Variants in RIPOR3 observed in about 807,000 individuals in gnomAD.
RIPOR3 encodes the protein family with sequence similarity 65 member C.
Under a neutral mutation model 114.3 loss-of-function variants are expected in RIPOR3, and 95 were observed. That is an observed-to-expected ratio of 0.83 (90% CI 0.70 to 0.99). RIPOR3 has a LOEUF of 0.99. Ranked by LOEUF, RIPOR3 falls within the 50% of genes least tolerant of loss-of-function variation. RIPOR3 has a pLI of 0.00. For synonymous variants in RIPOR3, 575 were observed against 543.8 expected (o/e 1.06, Z -0.80); for missense variants, 1,252 against 1,266.9 (o/e 0.99, Z 0.18).
rs970675016 is a variant in RIPOR3, at chr20:50,669,122, A to T, written c.3+22004T>A. Among the ~76,000 whole-genome samples the T allele has an allele frequency of 4.6e-5, 7 of 152,026 alleles. No individual in the cohort carries two copies. In the South Asian group the frequency reaches 8.3e-4, roughly 18 times the overall value. On this transcript the variant is annotated intron_variant, in intron 1 of 21. Coordinates refer to ENST00000327979, the MANE Select transcript of RIPOR3 (RefSeq NM_001290268.2). ...CACACCCATACATGCATGCTCACAC[A>T]TGTGCACACATGGTGCACACTCACA...
intron 3 of RIPOR3, 41 bp from the exon 4 acceptor site, chr20:50,616,121 GAAGA>G (rs766342381): frequency 1.9e-6 from 3 of 1,584,234 alleles, no homozygotes; most frequent in Non-Finnish European, 2.6e-6. Context: ...GGAAGAGGAA[GAAGA>G]AAGGGAAAGG....
In RIPOR3 at chr20:50,602,604, C is replaced by T. The variant is rs1363917411; in HGVS notation, c.1127G>A (p.Gly376Asp). ...GAGGATGGAGGTGGCCCTTGGGCCA[C>T]CCAGCAGCAAGGCCTGCTGTGTTGG... ...QQPTQQALLLGGPRATSILSY... is the reference protein window; with the variant it reads ...QQPTQQALLLDGPRATSILSY... Residue 376 changes from glycine to aspartate, a missense_variant, in exon 13 of 22, where the codon GGT (glycine) becomes GAT (aspartate). By Grantham distance (94) the Gly-to-Asp change is moderately conservative. Coordinates refer to ENST00000327979, the MANE Select transcript of RIPOR3 (RefSeq NM_001290268.2). This position sits in a 1 kb window ranked among gnomAD's most constrained non-coding sequence, Gnocchi z 4.3. The T allele has an allele frequency of 2.0e-6, 3 of 1,508,862 alleles. No homozygotes were observed. Among genetic ancestry groups the T allele is most frequent in the Non-Finnish European group, 1.8e-6 (2 of 1,129,366 alleles). 93.5% of individuals were successfully genotyped at this position (1,508,862 alleles called of 1,614,324 possible).
intron 1 of RIPOR3, among the ~76,000 whole-genome samples, chr20:50,647,487 T>TC (rs1303831682): frequency 7.0e-6 from 1 of 142,184 alleles, no homozygotes; most frequent in Non-Finnish European, 1.5e-5. Flanking sequence ...TCTTTTTTTT[T>TC]TTTTTTTTTT....
At chr20:50,623,260 TAAAAAAA>T (rs57108911) in intron 2 of RIPOR3, among the ~76,000 whole-genome samples, 7 of 113,294 alleles carry the variant, frequency 6.2e-5, no homozygotes, top group Admixed American at 1.0e-4. Context: ...AACTCTGCCT[TAAAAAAA>T]AAAAAAAAAA....
intron 4 of RIPOR3, among the ~76,000 whole-genome samples, chr20:50,612,145 A>G (rs2084001612): frequency 2.0e-5 from 3 of 151,892 alleles, no homozygotes; most frequent in Non-Finnish European, 2.9e-5. Flanking sequence ...AAAAAAGAAA[A>G]AAAGTAGGAC....
At chr20:50,629,119 G>A (rs566424039) in intron 2 of RIPOR3, among the ~76,000 whole-genome samples, 9 of 152,274 alleles carry the variant, frequency 5.9e-5, no homozygotes, top group East Asian at 1.9e-4. Context: ...CCCTGAGGCC[G>A]GGAGGGGAGG....
chr20:50,616,804 G>A (rs2084188390), intron 3 of RIPOR3, among the ~76,000 whole-genome samples: 1 of 152,148 alleles, frequency 6.6e-6, no homozygotes, highest in Admixed American at 6.5e-5. Context: ...CTCCCAAGCT[G>A]GGGCCCAGCT....
At chr20:50,643,874 C>T (rs1008073171) in intron 1 of RIPOR3, among the ~76,000 whole-genome samples, 2 of 151,800 alleles carry the variant, frequency 1.3e-5, no homozygotes, top group African/African-American at 2.4e-5. Context: ...CCACTGTGCC[C>T]GGCTAATTTT....
chr20:50,639,158 C>T (rs1442561986), intron 1 of RIPOR3, among the ~76,000 whole-genome samples: 2 of 151,924 alleles, frequency 1.3e-5, no homozygotes, highest in African/African-American at 4.8e-5. Context: ...AGGAGAATTG[C>T]TTGAACCCAG....
chr20:50,598,530 G>A (rs2083382433), intron 13 of RIPOR3, among the ~76,000 whole-genome samples: 2 of 152,082 alleles, frequency 1.3e-5, no homozygotes, highest in Non-Finnish European at 2.9e-5. Flanking sequence ...TGAGGACGAA[G>A]GGAATAACAA....
intron 19 of RIPOR3, chr20:50,589,974 A>G (rs2083058066): frequency 5.8e-6 from 3 of 514,130 alleles, no homozygotes; most frequent in Admixed American, 3.1e-5. Context: ...ATCCCTAAAA[A>G]CAGATGCCAG....
intron 4 of RIPOR3, among the ~76,000 whole-genome samples, chr20:50,613,426 C>T (rs1444599065): frequency 6.6e-6 from 1 of 151,932 alleles, no homozygotes; most frequent in Non-Finnish European, 1.5e-5. Context: ...GGACTCCAGC[C>T]TGGGTGACAG....
chr20:50,597,432 G>T, intron 14 of RIPOR3, 148 bp downstream of exon 14: 1 of 1,166,682 alleles, frequency 8.6e-7, no homozygotes, highest in South Asian at 1.6e-5. Context: ...TGCGGGGATG[G>T]CATGGGGAAG....
At position 50,638,616 on chromosome 20, in the gene RIPOR3, G is replaced by A. The variant is rs183460175; in HGVS notation, c.4-7760C>T. Among the ~76,000 whole-genome samples the A allele has an allele frequency of 5.3e-5, 8 of 152,272 alleles. No homozygotes were observed. The East Asian group carries it at 1.2e-3, about 22-fold the overall frequency. On this transcript the variant is annotated intron_variant, in intron 1 of 21. Transcript: ENST00000327979. Reference sequence around the variant, plus strand: ...TGAGGCCACTGTGGGGTGGCTGTGTGTCGGGGCGCCAGGTGGGAAGGCAGC... The same window carrying A: ...TGAGGCCACTGTGGGGTGGCTGTGTATCGGGGCGCCAGGTGGGAAGGCAGC...
chr20:50,590,620 G>T (rs2083078567), intron 19 of RIPOR3, among the ~76,000 whole-genome samples: 1 of 152,170 alleles, frequency 6.6e-6, no homozygotes. Flanking sequence ...CCTACACAGG[G>T]CTCTGGTGAA....
Position 50,602,665 on chromosome 20 carries a change from C to T in RIPOR3, c.1087-21G>A, listed in dbSNP as rs370570616. The T allele has an allele frequency of 5.6e-6, 8 of 1,423,122 alleles. No individual in the cohort carries two copies. The highest frequency in any genetic ancestry group is 5.2e-5 in the Admixed American group (2 of 38,776). The allele number at this position is 1,423,122 out of a possible 1,614,324, so 88.2% of individuals were successfully genotyped here. ...ACAGACTGGAGAGGGGACACGGGAG[C>T]GGCCTCACCAGCCACCCCAGGGACC... On this transcript the variant is annotated intron_variant, in intron 12 of 21. Transcript: ENST00000327979. The surrounding 1 kb of genome is among the most constrained non-coding windows in gnomAD (Gnocchi z 4.3).
chr20:50,635,610 A>G (rs943627931), intron 1 of RIPOR3, among the ~76,000 whole-genome samples: 3 of 152,128 alleles, frequency 2.0e-5, no homozygotes, highest in African/African-American at 7.2e-5. Flanking sequence ...GTGAGCTGAG[A>G]CTGCACCACT....
At position 50,592,494 on chromosome 20, in the gene RIPOR3, C is replaced by G. The variant is rs778763058; in HGVS notation, c.2427G>C (p.Lys809Asn). ...HCAGQAKVVR[K>N]LQGKRLGQLQ... The stretch of plus-strand genomic sequence containing the variant: ...GCTGGCCCAGCCGCTTCCCCTGCAG[C>G]TTCCGGACCACCTTGGCCTGTCCCG... Residue 809 changes from lysine to asparagine, a missense_variant, in exon 19 of 22, where the codon AAG becomes AAC. Transcript: ENST00000327979. 1.3e-5 allele frequency: 21 copies of G among 1,611,024 alleles called. No homozygotes were observed. In the South Asian group the frequency reaches 2.3e-4, roughly 18 times the overall value.
chr20:50,594,522 G>A lies in RIPOR3; in HGVS notation c.2212+31C>T, dbSNP rs374310776. The A allele has an allele frequency of 6.1e-4, 979 of 1,599,962 alleles. 1 individual carries two copies. The highest frequency in any genetic ancestry group is 8.1e-4 in the Non-Finnish European group (945 of 1,169,564). On this transcript the variant is annotated intron_variant, in intron 17 of 21. Coordinates refer to ENST00000327979, the MANE Select transcript of RIPOR3 (RefSeq NM_001290268.2). ...GGAGACTCAATACAGCCTTTCTGTG[G>A]GAGGGGACGACAGGACAGAAGGGAA...
Sources: gnomAD v4.1 joint callset for allele counts (sites outside exome capture counted in the v4.1 genomes callset) on GRCh38, gnomAD v4.1.1 for gene constraint, Gnocchi (gnomAD v3.1) non-coding constraint, MANE v1.5 for transcripts, NCBI Gene and HGNC (gene_info 2026-07-23, HGNC 2026-07-21) for gene names.